KCNT1: variants seen among roughly 807,000 people sequenced by gnomAD.
KCNT1 encodes the protein potassium channel subfamily T member 1.
Under a neutral mutation model 147.8 loss-of-function variants are expected in KCNT1, and 78 were observed. The observed-to-expected ratio is 0.53, with a 90% CI of 0.44 to 0.64. The LOEUF (loss-of-function observed/expected upper bound fraction) is 0.64. Among genes scored for constraint, KCNT1 ranks in the 30% least tolerant of loss-of-function variants. The pLI is 0.00. For synonymous variants in KCNT1, 867 were observed against 748.8 expected, an observed-to-expected ratio of 1.16 and a Z score of -2.58; for missense variants, 1,419 against 1,750.3, an observed-to-expected ratio of 0.81 and a Z score of 3.38.
intron 2 of KCNT1, among the ~76,000 whole-genome samples, chr9:135,723,406 C>T (rs1034280309): frequency 2.6e-5 from 4 of 152,234 alleles, no homozygotes; most frequent in Non-Finnish European, 5.9e-5. Flanking sequence ...ATGAACAGGG[C>T]CGGCGCCGGC....
intron 1 of KCNT1, among the ~76,000 whole-genome samples, chr9:135,712,013 G>A (rs1385460854): frequency 2.6e-5 from 4 of 152,200 alleles, no homozygotes; most frequent in African/African-American, 7.2e-5. Context: ...CTCGCCGGGG[G>A]CCGCCCAGCA....
intron 5 of KCNT1, 97 bp from the exon 6 acceptor site, chr9:135,755,024 G>A (rs1046925552): frequency 1.5e-5 from 17 of 1,107,904 alleles, no homozygotes; most frequent in Non-Finnish European, 2.0e-5. Flanking sequence ...CATGCTTGGG[G>A]CCAGTGGAGG....
chr9:135,763,678 C>T (rs1286938781), intron 11 of KCNT1, among the ~76,000 whole-genome samples: 1 of 152,182 alleles, frequency 6.6e-6, no homozygotes, highest in Non-Finnish European at 1.5e-5. Flanking sequence ...CTCTGTACCT[C>T]TCACTGGATT....
At chr9:135,731,991 T>TATATATATAGAGAGAGAG (rs1276318460) in intron 2 of KCNT1, among the ~76,000 whole-genome samples, 5 of 21,722 alleles carry the variant, frequency 2.3e-4, no homozygotes, top group Non-Finnish European at 3.3e-4. Flanking sequence ...TATATATATA[T>TATATATATAGAGAGAGAG]AGAGAGAGAG....
At chr9:135,716,684 G>A (rs974664483) in intron 2 of KCNT1, among the ~76,000 whole-genome samples, 17 of 152,276 alleles carry the variant, frequency 1.1e-4, no homozygotes, top group Admixed American at 7.8e-4. Flanking sequence ...CATGGGTTGT[G>A]TGCCGATGGT....
chr9:135,791,539 C>T (rs992811855), intron 29 of KCNT1: 2 of 502,148 alleles, frequency 4.0e-6, no homozygotes, highest in Admixed American at 3.3e-5. Flanking sequence ...GCGATGCCAC[C>T]TAGCACCAGA....
intron 18 of KCNT1, chr9:135,771,315 GGGCAGGAGACCAGGCCAA>G: frequency 5.0e-6 from 3 of 603,268 alleles, no homozygotes; most frequent in Admixed American, 2.9e-5. Context: ...AGACCGGGCA[GGGCAGGAGACCAGGCCAA>G]TGTGGCCCCC....
rs111674561 is a variant in KCNT1, at chr9:135,792,224, G to A, written c.*63G>A. On this transcript the variant is annotated 3_prime_UTR_variant, in exon 31 of 31. Transcript: ENST00000371757. ...GTCCTCAGGAAGGACGTGGAGGAGC[G>A]TGTGAGGACACGGTGGCACTAGCGT... 2.4e-3 allele frequency: 3,719 copies of A among 1,554,808 alleles called. 83 individuals carry two copies. In the African/African-American group the frequency reaches 0.045, roughly 19 times the overall value.
Position 135,784,524 on chromosome 9 carries a change from T to TCCCA in KCNT1, c.2944-8_2944-7insACCC. The TCCCA allele has an allele frequency of 3.7e-6, 1 of 271,042 alleles. No homozygotes were observed. Among genetic ancestry groups the TCCCA allele is most frequent in the Non-Finnish European group, 6.4e-6 (1 of 156,626 alleles). 16.8% of individuals were successfully genotyped at this position (271,042 alleles called of 1,614,324 possible). A position where few individuals can be genotyped will look rare whatever the true frequency, so the allele number is the denominator to read the frequency against. On this transcript the variant is annotated splice_polypyrimidine_tract_variant and intron_variant, in intron 25 of 30. Transcript: ENST00000371757. The stretch of plus-strand genomic sequence containing the variant: ...CTCCCTCCCTCCCTCCCTCCCTCCC[T>TCCCA]CCCTGGCCAGTCCTTCGTGAAGGAC...
At chr9:135,773,596 A>G (rs918370598) in intron 19 of KCNT1, among the ~76,000 whole-genome samples, 1 of 152,176 alleles carries the variant, frequency 6.6e-6, no homozygotes, top group Non-Finnish European at 1.5e-5. Flanking sequence ...AGGAGGCCCC[A>G]CTCTGTTCTC....
In KCNT1 at chr9:135,723,552, G is replaced by A. The variant is rs28360874; in HGVS notation, c.254+8832G>A. Reference sequence around the variant, plus strand: ...AGGGGCATTTTGTGCCTGTGCGACCGACAGCTGTGCCCACGCGTCTGCTGC... The same window carrying A: ...AGGGGCATTTTGTGCCTGTGCGACCAACAGCTGTGCCCACGCGTCTGCTGC... On this transcript the variant is annotated intron_variant, in intron 2 of 30. Coordinates refer to ENST00000371757, the MANE Select transcript of KCNT1 (RefSeq NM_020822.3). 6.3e-3 allele frequency among the ~76,000 whole-genome samples: 965 copies of A among 152,318 alleles called. 10 individuals are homozygous for A. The highest frequency in any genetic ancestry group is 0.021 in the African/African-American group (876 of 41,576).
At chr9:135,774,782 G>C (rs1291770778) in intron 19 of KCNT1, among the ~76,000 whole-genome samples, 1 of 152,136 alleles carries the variant, frequency 6.6e-6, no homozygotes, top group Non-Finnish European at 1.5e-5. Context: ...GGGGCCATGT[G>C]TTATGCCGAG....
intron 15 of KCNT1, among the ~76,000 whole-genome samples, chr9:135,769,138 G>GAT (rs1564368293): frequency 7.2e-5 from 5 of 69,716 alleles, no homozygotes; most frequent in Middle Eastern, 6.4e-3. Flanking sequence ...TCTGGGGCAG[G>GAT]GCGCATGTGC....
chr9:135,776,647 ATG>A (rs543204559), intron 20 of KCNT1, among the ~76,000 whole-genome samples: 3 of 152,130 alleles, frequency 2.0e-5, no homozygotes, highest in South Asian at 4.1e-4. Context: ...CCCCTTCCCC[ATG>A]TGTGTGTGTC....
At position 135,795,296 on chromosome 9, in the gene KCNT1, T is replaced by C. The variant is rs76517944; in HGVS notation, c.*3135T>C. On this transcript the variant is annotated 3_prime_UTR_variant, in exon 31 of 31. Coordinates refer to ENST00000371757, the MANE Select transcript of KCNT1 (RefSeq NM_020822.3). ...GTATCAAAAAGTACAAAAAAAAAAA[T>C]AGCTAGACGTGGTGGCATGTGCATA... is the stretch of plus-strand genomic sequence containing the variant. 2.8e-5 allele frequency: 3 copies of C among 107,644 alleles called. No individual in the cohort carries two copies. The highest frequency in any genetic ancestry group is 6.8e-5 in the African/African-American group (2 of 29,466). The allele number at this position is 107,644 out of a possible 1,614,324, so 6.7% of individuals were successfully genotyped here.
intron 2 of KCNT1, among the ~76,000 whole-genome samples, chr9:135,743,652 G>A (rs939325915): frequency 9.2e-5 from 14 of 152,330 alleles, no homozygotes; most frequent in African/African-American, 3.1e-4. Flanking sequence ...CCAGGCTCCC[G>A]AGGAGTCGGG....
intron 15 of KCNT1, among the ~76,000 whole-genome samples, chr9:135,769,343 A>G (rs1342153193): frequency 6.6e-6 from 1 of 150,398 alleles, no homozygotes; most frequent in East Asian, 2.0e-4. Context: ...GGCAGGGCGC[A>G]TGTGCACGCA....
chr9:135,770,813 G>A (rs1457599849), intron 17 of KCNT1, 44 bp from the exon 18 acceptor site: 5 of 1,500,840 alleles, frequency 3.3e-6, no homozygotes, highest in Non-Finnish European at 4.5e-6. Flanking sequence ...GCGGGACAGG[G>A]CGGGTGAGCG....
intron 2 of KCNT1, among the ~76,000 whole-genome samples, chr9:135,723,148 C>T (rs953181635): frequency 1.5e-4 from 23 of 152,198 alleles, no homozygotes; most frequent in African/African-American, 5.1e-4. Context: ...CAGTGACGGG[C>T]GTGGCTCTCC....
Sources: gnomAD v4.1 joint callset for allele counts (sites outside exome capture counted in the v4.1 genomes callset) on GRCh38, gnomAD v4.1.1 for gene constraint, MANE v1.5 for transcripts, NCBI Gene and HGNC (gene_info 2026-07-23, HGNC 2026-07-21) for gene names.